TNKS1BP1: variants seen among roughly 807,000 people sequenced by gnomAD.
TNKS1BP1 encodes 182 kDa tankyrase-1-binding protein.
Under a neutral mutation model 141.1 loss-of-function variants are expected in TNKS1BP1, and 48 were observed. The ratio of observed to expected loss-of-function variants is 0.34; its 90% confidence interval spans 0.27 to 0.43. The LOEUF (loss-of-function observed/expected upper bound fraction) is 0.43. Among genes scored for constraint, TNKS1BP1 ranks in the 20% least tolerant of loss-of-function variants. TNKS1BP1 has a pLI of 1.00. For synonymous variants in TNKS1BP1, 875 were observed against 898.2 expected (o/e 0.97, Z 0.46); for missense variants, 2,149 against 2,226.0 (o/e 0.97, Z 0.70).
intron 3 of TNKS1BP1, among the ~76,000 whole-genome samples, chr11:57,319,326 A>G (rs1175138354): frequency 6.6e-6 from 1 of 151,996 alleles, no homozygotes; most frequent in East Asian, 1.9e-4. Flanking sequence ...TCAAACAAAC[A>G]TCTGTCTCTG....
chr11:57,301,715 A>G (rs1855526810), intron 9 of TNKS1BP1, 92 bp downstream of exon 9: 3 of 1,505,498 alleles, frequency 2.0e-6, no homozygotes, highest in Admixed American at 3.7e-5. Context: ...GGGACAGGGG[A>G]ATGAATTGAT....
At position 57,321,753 on chromosome 11, in the gene TNKS1BP1, C is replaced by T. The variant is rs199523346; in HGVS notation, c.94+39G>A. The T allele has an allele frequency of 1.1e-4, 166 of 1,512,324 alleles. 1 individual carries two copies. In the African/African-American group the frequency reaches 1.6e-3, roughly 15 times the overall value. The allele number at this position is 1,512,324 out of a possible 1,614,324, so 93.7% of individuals were successfully genotyped here. On this transcript the variant is annotated intron_variant, in intron 2 of 11. Transcript: ENST00000358252. ...GGGCAGCCTCTGTCCTTCCCACCCC[C>T]CTCCCAGCCACCTGGCTCCACCCTG...
intron 4 of TNKS1BP1, among the ~76,000 whole-genome samples, chr11:57,316,946 T>C (rs1050927743): frequency 2.0e-5 from 3 of 152,192 alleles, no homozygotes; most frequent in African/African-American, 4.8e-5. Context: ...CCCCAACCCG[T>C]TGGTCCTCAC....
At chr11:57,301,744 C>G (rs1017249598) in intron 9 of TNKS1BP1, 63 bp downstream of exon 9, 15 of 1,570,818 alleles carry the variant, frequency 9.5e-6, no homozygotes, top group Non-Finnish European at 1.3e-5. Context: ...AGAAGAAAGA[C>G]AGCATGCAAG....
chr11:57,324,160 G>A (rs75927970), intron 1 of TNKS1BP1, among the ~76,000 whole-genome samples: 1 of 152,376 alleles, frequency 6.6e-6, no homozygotes, highest in East Asian at 1.9e-4. Flanking sequence ...CTCGGCGCAG[G>A]CGGGGTCGCC....
chr11:57,321,912 C>T lies in TNKS1BP1; in HGVS notation c.-27G>A, dbSNP rs763714456. The T allele has an allele frequency of 2.1e-5, 34 of 1,612,728 alleles. No individual in the cohort carries two copies. The South Asian group carries it at 3.1e-4, about 15-fold the overall frequency. On this transcript the variant is annotated 5_prime_UTR_variant, in exon 2 of 12. Transcript: ENST00000358252. ...ACATGCGGCAGACCCTCCTTGAGAGCGGGGAGGCAGAGAGGTATGAGCTGG... is the reference window on the plus strand; with the variant it reads ...ACATGCGGCAGACCCTCCTTGAGAGTGGGGAGGCAGAGAGGTATGAGCTGG...
chr11:57,301,926 C>A lies in TNKS1BP1; in HGVS notation c.4852G>T (p.Val1618Leu). Residue 1618 changes from valine to leucine, a missense_variant, in exon 9 of 12, where the codon GTG becomes TTG. Physicochemically the swap from Val to Leu is conservative, Grantham distance 32. Coordinates refer to ENST00000358252, the MANE Select transcript of TNKS1BP1 (RefSeq NM_033396.3). ...QDSTEPRASR[V>L]PSSDEEVVEE... ...ACTACCTCTTCATCTGAAGATGGCACCCGAGATGCCCGTGGCTCTGCAAAG... is the reference window on the plus strand; with the variant it reads ...ACTACCTCTTCATCTGAAGATGGCAACCGAGATGCCCGTGGCTCTGCAAAG... 4.3e-6 allele frequency: 7 copies of A among 1,613,852 alleles called. No individual in the cohort carries two copies. The highest frequency in any genetic ancestry group is 5.9e-6 in the Non-Finnish European group (7 of 1,179,918).
chr11:57,324,838 A>G lies in TNKS1BP1; in HGVS notation c.-66+2T>C, dbSNP rs1183920875. ...TTCGCCCGACCGCCCCCGCGCACTC[A>G]CGCGCTCGCCCGGGGTCCGGCTCCG... On this transcript the variant is annotated splice_donor_variant, in intron 1 of 11. Coordinates refer to ENST00000358252, the MANE Select transcript of TNKS1BP1 (RefSeq NM_033396.3). LOFTEE classifies it low-confidence loss of function (5UTR_SPLICE). 9 of 978,496 alleles carry G rather than the reference A, an allele frequency of 9.2e-6. No homozygotes were observed. In the African/African-American group the frequency reaches 1.3e-4, roughly 14 times the overall value. The allele number at this position is 978,496 out of a possible 1,614,324, so 60.6% of individuals were successfully genotyped here. A position where few individuals can be genotyped will look rare whatever the true frequency, so the allele number is the denominator to read the frequency against.
At chr11:57,324,298 G>A (rs1855929869) in intron 1 of TNKS1BP1, among the ~76,000 whole-genome samples, 1 of 152,248 alleles carries the variant, frequency 6.6e-6, no homozygotes, top group African/African-American at 2.4e-5. Context: ...GCTGTCTGGA[G>A]GGGCCCAGTG....
At chr11:57,314,024 C>G in intron 4 of TNKS1BP1, 135 bp from the exon 5 acceptor site, 1 of 1,054,906 alleles carries the variant, frequency 9.5e-7, no homozygotes, top group Non-Finnish European at 1.3e-6. Flanking sequence ...AGGGGGTCCT[C>G]TTGGGATAGC....
chr11:57,322,117 A>G (rs1165895890), intron 1 of TNKS1BP1, 167 bp from the exon 2 acceptor site: 8 of 1,048,272 alleles, frequency 7.6e-6, no homozygotes, highest in Non-Finnish European at 1.0e-5. Flanking sequence ...CCCAACAGCC[A>G]TATCCTCAAC....
At position 57,312,534 on chromosome 11, in the gene TNKS1BP1, C is replaced by T. The variant is rs767120005; in HGVS notation, c.2154G>A (p.Glu718=). 14 of 1,485,558 alleles carry T rather than the reference C, an allele frequency of 9.4e-6. No homozygotes were observed. In the South Asian group the frequency reaches 1.9e-4, roughly 20 times the overall value. 92.0% of individuals were successfully genotyped at this position (1,485,558 alleles called of 1,614,324 possible). ...KDTQSPSTCS[E]GLLGWSQKDL... is the part of the protein sequence containing the mutation. Reference sequence around the variant, plus strand: ...CCATTCTCCCTATGCCCATTCTCACCTCAGAGCAGGTACTTGGGGACTGTG... The same window carrying T: ...CCATTCTCCCTATGCCCATTCTCACTTCAGAGCAGGTACTTGGGGACTGTG... Residue 718 remains glutamate (E), a splice_region_variant and synonymous_variant, in exon 5 of 12, where the codon GAG becomes GAA. Coordinates refer to ENST00000358252, the MANE Select transcript of TNKS1BP1 (RefSeq NM_033396.3).
At chr11:57,323,870 G>A (rs1855922035) in intron 1 of TNKS1BP1, among the ~76,000 whole-genome samples, 1 of 152,210 alleles carries the variant, frequency 6.6e-6, no homozygotes, top group Non-Finnish European at 1.5e-5. Flanking sequence ...CTTTCACCTG[G>A]GGTTCTGATG....
At position 57,302,391 on chromosome 11, in the gene TNKS1BP1, C is replaced by A. The variant is rs1168043638; in HGVS notation, c.4683+68G>T. 1.3e-6 allele frequency: 2 copies of A among 1,545,142 alleles called. No individual in the cohort carries two copies. The highest frequency in any genetic ancestry group is 2.7e-5 in the African/African-American group (2 of 73,672). On this transcript the variant is annotated intron_variant, in intron 7 of 11. Transcript: ENST00000358252. The surrounding 1 kb of genome is among the most constrained non-coding windows in gnomAD (Gnocchi z 5.5). ...CCTGGACTGGGACTGCTCAGGGAAG[C>A]TCCAGGAATGGGGCTCTCGCTGCAT... is the stretch of plus-strand genomic sequence containing the variant.
At position 57,309,263 on chromosome 11, in the gene TNKS1BP1, G is replaced by T; in HGVS notation, c.3448C>A (p.Pro1150Thr). 1 of 1,614,146 alleles carries T rather than the reference G, an allele frequency of 6.2e-7. No homozygotes were observed. Among genetic ancestry groups the T allele is most frequent in the Non-Finnish European group, 8.5e-7 (1 of 1,180,032 alleles). Reference protein sequence around the residue: ...SSKMEGGHFVPPGKTTAGSVD... With the variant: ...SSKMEGGHFVTPGKTTAGSVD... ...GAGCCAGCTGTGGTCTTCCCAGGAG[G>T]CACAAAGTGACCACCTTCCATCTTG... The change falls in exon 6 of 12, where the codon CCT (proline) becomes ACT (threonine). Residue 1150 changes from proline (P) to threonine (T), a missense_variant. Transcript: ENST00000358252. The surrounding 1 kb of genome is among the most constrained non-coding windows in gnomAD (Gnocchi z 4.3).
In TNKS1BP1 at chr11:57,313,484, G is replaced by A. The variant is rs763694802; in HGVS notation, c.1204C>T (p.Arg402Trp). The change falls in exon 5 of 12, where the codon CGG becomes TGG. Residue 402 changes from arginine (R) to tryptophan (W), a missense_variant. Coordinates refer to ENST00000358252, the MANE Select transcript of TNKS1BP1 (RefSeq NM_033396.3). Reference sequence around the variant, plus strand: ...TCCTCCCCGCCAGATGGAAACGTCCGAGTGAGATCCAGCAACTCACCCACC... The same window carrying A: ...TCCTCCCCGCCAGATGGAAACGTCCAAGTGAGATCCAGCAACTCACCCACC... ...IEVGELLDLTRTFPSGGEEEA... is the reference protein window; with the variant it reads ...IEVGELLDLTWTFPSGGEEEA... The A allele has an allele frequency of 2.1e-5, 34 of 1,582,382 alleles. No homozygotes were observed. Among genetic ancestry groups the A allele is most frequent in the South Asian group, 3.5e-5 (3 of 85,946 alleles).
At chr11:57,301,101 G>T in intron 9 of TNKS1BP1, 60 bp from the exon 10 acceptor site, 2 of 1,488,680 alleles carry the variant, frequency 1.3e-6, no homozygotes, top group African/African-American at 1.4e-5. Flanking sequence ...GACTCTCAGG[G>T]GGTAAGACCT....
At position 57,320,454 on chromosome 11, in the gene TNKS1BP1, C is replaced by T. The variant is rs376501867; in HGVS notation, c.353G>A (p.Gly118Glu). The change falls in exon 3 of 12, where the codon GGG becomes GAG. Residue 118 changes from glycine to glutamate, a missense_variant. Gly to Glu is a moderately conservative substitution (Grantham distance 98, BLOSUM62 -2). Transcript: ENST00000358252. ...CTCCTCTTTCCCAGCCTCCTCTTTC[C>T]CAGTCTCTTGGGTGGCTTCTCCTCC... is the stretch of plus-strand genomic sequence containing the variant. ...STGGEATQETGKEEAGKEEPP... is the reference protein window; with the variant it reads ...STGGEATQETEKEEAGKEEPP... 5.6e-6 allele frequency: 9 copies of T among 1,607,740 alleles called. No homozygotes were observed. Among genetic ancestry groups the T allele is most frequent in the Middle Eastern group, 3.3e-4 (2 of 6,050 alleles).
At position 57,301,963 on chromosome 11, in the gene TNKS1BP1, G is replaced by A; in HGVS notation, c.4835-20C>T. On this transcript the variant is annotated intron_variant, in intron 8 of 11. Coordinates refer to ENST00000358252, the MANE Select transcript of TNKS1BP1 (RefSeq NM_033396.3). ...GTGGCTCTGCAAAGGCCCGGGAAAGGGGCTCAGAAAAGGCAGCACACCCAG... is the reference window on the plus strand; with the variant it reads ...GTGGCTCTGCAAAGGCCCGGGAAAGAGGCTCAGAAAAGGCAGCACACCCAG... The A allele has an allele frequency of 6.2e-7, 1 of 1,611,632 alleles. No homozygotes were observed. The highest frequency in any genetic ancestry group is 1.1e-5 in the South Asian group (1 of 91,036).
Sources: allele counts gnomAD v4.1 joint callset (sites outside exome capture counted in the v4.1 genomes callset), GRCh38; gene constraint gnomAD v4.1.1; non-coding constraint Gnocchi (gnomAD v3.1); transcripts MANE v1.5; gene names NCBI Gene and HGNC (gene_info 2026-07-23, HGNC 2026-07-21).